SPEF2: variants seen among roughly 807,000 people sequenced by gnomAD.
The protein encoded by SPEF2 is sperm flagella and cilia-associated protein 2.
Under a neutral mutation model 224.6 loss-of-function variants are expected in SPEF2, and 187 were observed. The ratio of observed to expected loss-of-function variants is 0.83; its 90% CI spans 0.74 to 0.94. The LOEUF (loss-of-function observed/expected upper bound fraction) is 0.94, where lower values mean the gene tolerates loss of function less well. Among genes scored for constraint, SPEF2 ranks in the 40% least tolerant of loss-of-function variants. The pLI is 0.00. For missense variants in SPEF2, 2,170 were observed against 2,135.6 expected, an observed-to-expected ratio of 1.02 and a Z score of -0.32; for synonymous variants, 715 against 707.3, an observed-to-expected ratio of 1.01 and a Z score of -0.17.
chr5:35,697,880 T>G (rs980433989), intron 15 of SPEF2, 87 bp downstream of exon 15: 23 of 923,850 alleles, frequency 2.5e-5, no homozygotes, highest in Non-Finnish European at 3.4e-5. Flanking sequence ...GATTTTTTGT[T>G]GTAATATCTC....
chr5:35,737,457 C>A (rs916474412), intron 21 of SPEF2, among the ~76,000 whole-genome samples: 2 of 148,264 alleles, frequency 1.3e-5, no homozygotes, highest in Non-Finnish European at 3.0e-5. Flanking sequence ...AGTGAGAACA[C>A]GCAGTGGTTG....
At chr5:35,620,641 A>G (rs989034448) in intron 1 of SPEF2, among the ~76,000 whole-genome samples, 2 of 152,200 alleles carry the variant, frequency 1.3e-5, no homozygotes, top group African/African-American at 2.4e-5. Flanking sequence ...GTATCCTTCA[A>G]AAGTGTAATG....
At chr5:35,741,345 G>A (rs1747608102) in intron 23 of SPEF2, among the ~76,000 whole-genome samples, 1 of 152,228 alleles carries the variant, frequency 6.6e-6, no homozygotes, top group Non-Finnish European at 1.5e-5. Context: ...GGTAAGCCAT[G>A]TAAATATTTG....
chr5:35,763,526 C>T lies in SPEF2; in HGVS notation c.3625C>T (p.Pro1209Ser). The T allele has an allele frequency of 6.4e-7, 1 of 1,567,644 alleles. No individual in the cohort carries two copies. Among genetic ancestry groups the T allele is most frequent in the Non-Finnish European group, 8.6e-7 (1 of 1,162,364 alleles). ...TTGCTTGTTTGTTTCTCAAAGAATTCCTCTAGTTCCTCGAATATCCATTTC... is the reference window on the plus strand; with the variant it reads ...TTGCTTGTTTGTTTCTCAAAGAATTTCTCTAGTTCCTCGAATATCCATTTC... ...KDNSESQLRI[P>S]LVPRISISLE... The change falls in exon 26 of 37, where the codon CCT (proline) becomes TCT (serine). Residue 1209 changes from proline (P) to serine (S), a missense_variant. Coordinates refer to ENST00000356031, the MANE Select transcript of SPEF2 (RefSeq NM_024867.4).
intron 21 of SPEF2, among the ~76,000 whole-genome samples, chr5:35,733,247 C>T (rs1187990365): frequency 6.6e-6 from 1 of 151,916 alleles, no homozygotes; most frequent in Non-Finnish European, 1.5e-5. Flanking sequence ...CCTGAGTAGC[C>T]GGGACTACAG....
rs201318605 is a variant in SPEF2, at chr5:35,695,856, GT to G, written c.2037+64del. The G allele has an allele frequency of 2.0e-3, 2,611 of 1,292,260 alleles. 53 individuals carry two copies. The African/African-American group carries it at 0.035, about 17-fold the overall frequency. 80.0% of individuals were successfully genotyped at this position (1,292,260 alleles called of 1,614,324 possible). A position where few individuals can be genotyped will look rare whatever the true frequency, so the allele number is the denominator to read the frequency against. The stretch of plus-strand genomic sequence containing the variant: ...ATTAAAACCTGTCATGATTAATGGT[GT>G]TTTGGAGTGTCTTCGAATGCAATGA... On this transcript the variant is annotated intron_variant, in intron 14 of 36. Coordinates refer to ENST00000356031, the MANE Select transcript of SPEF2 (RefSeq NM_024867.4).
intron 33 of SPEF2, 107 bp from the exon 34 acceptor site, chr5:35,799,861 A>G: frequency 1.3e-5 from 16 of 1,213,226 alleles, no homozygotes; most frequent in Non-Finnish European, 1.9e-5. Flanking sequence ...TTCAATCCTC[A>G]GAAGGCAACC....
At chr5:35,792,543 G>A (rs1756112214) in intron 31 of SPEF2, 97 bp downstream of exon 31, 1 of 928,422 alleles carries the variant, frequency 1.1e-6, no homozygotes. Context: ...CATAGTGTCT[G>A]ACATTTAGTA....
At chr5:35,688,633 A>C (rs1466004206) in intron 10 of SPEF2, among the ~76,000 whole-genome samples, 1 of 152,154 alleles carries the variant, frequency 6.6e-6, no homozygotes, top group Non-Finnish European at 1.5e-5. Context: ...TCAACATCAT[A>C]TACTGGATAT....
chr5:35,811,853 T>C (rs534797669), intron 36 of SPEF2, among the ~76,000 whole-genome samples: 2 of 150,592 alleles, frequency 1.3e-5, no homozygotes, highest in African/African-American at 2.5e-5. Flanking sequence ...GGTGCAATCT[T>C]GGCTCACTGC....
chr5:35,702,336 C>T (rs763393680), intron 16 of SPEF2: 3 of 456,084 alleles, frequency 6.6e-6, no homozygotes, highest in South Asian at 4.6e-5. Context: ...GATCCAGACT[C>T]AAAGCCAATG....
chr5:35,722,283 G>T (rs531671988), intron 20 of SPEF2, among the ~76,000 whole-genome samples: 133 of 152,014 alleles, frequency 8.7e-4, no homozygotes, highest in African/African-American at 3.1e-3. Flanking sequence ...GGGACCATGC[G>T]TCCCAGCCCT....
At chr5:35,798,570 CTG>C (rs1471326881) in intron 33 of SPEF2, among the ~76,000 whole-genome samples, 11 of 152,076 alleles carry the variant, frequency 7.2e-5, no homozygotes, top group African/African-American at 2.4e-4. Context: ...GCTCTTTTTT[CTG>C]TGTTTTCATA....
chr5:35,784,683 T>C (rs1754853400), intron 30 of SPEF2, among the ~76,000 whole-genome samples: 1 of 152,010 alleles, frequency 6.6e-6, no homozygotes, highest in Admixed American at 6.6e-5. Flanking sequence ...TGAGGTTGCA[T>C]GACATATTGA....
In SPEF2 at chr5:35,700,464, A is replaced by G. The variant is rs750095336; in HGVS notation, c.2142-32A>G. The G allele has an allele frequency of 1.9e-6, 3 of 1,579,750 alleles. No individual in the cohort carries two copies. The East Asian group carries it at 6.7e-5, about 36-fold the overall frequency. On this transcript the variant is annotated intron_variant, in intron 15 of 36. Coordinates refer to ENST00000356031, the MANE Select transcript of SPEF2 (RefSeq NM_024867.4). ...ATTTCCAAAGTACTTGTGTCTAACA[A>G]AATATTCATGAGTTGTCCTGTTTCA...
At position 35,691,072 on chromosome 5, in the gene SPEF2, G is replaced by A; in HGVS notation, c.1560G>A (p.Met520Ile). The part of the protein sequence containing the change: ...MVGEWALPEE[M>I]VDNLPPSNNC... ...GAGAGTGGGCCTTACCAGAAGAAATGGTTGACAATTTACCACCCTCCAACA... is the reference window on the plus strand; with the variant it reads ...GAGAGTGGGCCTTACCAGAAGAAATAGTTGACAATTTACCACCCTCCAACA... Residue 520 changes from methionine (M) to isoleucine (I), a missense_variant, in exon 11 of 37, where the codon ATG (methionine) becomes ATA (isoleucine). By Grantham distance (10) the Met-to-Ile change is conservative (BLOSUM62 1). Transcript: ENST00000356031. The A allele has an allele frequency of 1.9e-6, 3 of 1,613,924 alleles. No homozygotes were observed. The highest frequency in any genetic ancestry group is 2.5e-6 in the Non-Finnish European group (3 of 1,179,936).
At chr5:35,762,672 T>A (rs6860762) in intron 25 of SPEF2, among the ~76,000 whole-genome samples, 2,960 of 152,268 alleles carry the variant, frequency 0.019, 102 homozygotes, top group African/African-American at 0.068. Context: ...TTCTCTTCTC[T>A]TTCCTTCCCC....
intron 25 of SPEF2, among the ~76,000 whole-genome samples, chr5:35,762,911 GA>G (rs1367525133): frequency 1.3e-5 from 2 of 152,194 alleles, no homozygotes; most frequent in Non-Finnish European, 2.9e-5. Flanking sequence ...AAAACAAAGA[GA>G]AAACCTTTGT....
intron 21 of SPEF2, among the ~76,000 whole-genome samples, chr5:35,736,318 A>G (rs941398157): frequency 6.6e-6 from 1 of 152,274 alleles, no homozygotes; most frequent in Non-Finnish European, 1.5e-5. Context: ...TCACAGTGCC[A>G]TAAAGAAATA....
Sources: allele counts gnomAD v4.1 joint callset (sites outside exome capture counted in the v4.1 genomes callset), GRCh38; gene constraint gnomAD v4.1.1; transcripts MANE v1.5; gene names NCBI Gene and HGNC (gene_info 2026-07-23, HGNC 2026-07-21).